Variants in KNL1 observed in about 807,000 individuals in gnomAD.
KNL1 encodes outer kinetochore KNL1 complex subunit KNL1.
A neutral mutation model predicts 201.3 loss-of-function variants in KNL1; 66 were observed. That is an observed-to-expected ratio of 0.33 (90% CI 0.27 to 0.40). The LOEUF (loss-of-function observed/expected upper bound fraction) is 0.40. Among genes scored for constraint, KNL1 ranks in the 10% least tolerant of loss-of-function variants. KNL1 has a pLI of 1.00. For synonymous variants in KNL1, 895 were observed against 899.2 expected (o/e 1.00, Z 0.08); for missense variants, 2,815 against 2,690.5 (o/e 1.05, Z -1.02).
chr15:40,608,854 A>T lies in KNL1; in HGVS notation c.143A>T (p.Asn48Ile), dbSNP rs775359976. ...TATATTCTCTGCCCTTAGGAATCCA[A>T]TGCTTTGAGAAATAAGAAAAACTCT... ...RGGNERVQES[N>I]ALRNKKNSRR... The change falls in exon 5 of 26, where the codon AAT (asparagine) becomes ATT (isoleucine). Residue 48 changes from asparagine to isoleucine, a missense_variant. Transcript: ENST00000399668. 1 of 1,608,604 alleles carries T rather than the reference A, an allele frequency of 6.2e-7. No homozygotes were observed. Among genetic ancestry groups the T allele is most frequent in the South Asian group, 1.1e-5 (1 of 90,942 alleles).
At chr15:40,606,276 G>C (rs996884989) in intron 3 of KNL1, 117 bp from the exon 4 acceptor site, 2 of 629,742 alleles carry the variant, frequency 3.2e-6, no homozygotes, top group African/African-American at 3.7e-5. Flanking sequence ...ATGAATTTGA[G>C]GAGTTTCAGA....
At chr15:40,632,156 A>C (rs894465666) in intron 13 of KNL1, among the ~76,000 whole-genome samples, 3 of 151,606 alleles carry the variant, frequency 2.0e-5, no homozygotes, top group African/African-American at 7.3e-5. Context: ...GAGGCTGAGG[A>C]GGGAAGATCA....
At chr15:40,606,086 CATT>C (rs1200178065) in intron 3 of KNL1, among the ~76,000 whole-genome samples, 6 of 152,186 alleles carry the variant, frequency 3.9e-5, no homozygotes, top group African/African-American at 1.4e-4. Flanking sequence ...AACAAATCAT[CATT>C]GACAAGAGAA....
chr15:40,600,219 G>T (rs192176290), intron 1 of KNL1, among the ~76,000 whole-genome samples: 5 of 152,004 alleles, frequency 3.3e-5, no homozygotes, highest in Non-Finnish European at 5.9e-5. Context: ...GGGATTACAG[G>T]CACCCACCAC....
chr15:40,620,669 G>A lies in KNL1; in HGVS notation c.405G>A (p.Arg135=), dbSNP rs1892487628. The A allele has an allele frequency of 6.3e-7, 1 of 1,590,258 alleles. No individual in the cohort carries two copies. Among genetic ancestry groups the A allele is most frequent in the Non-Finnish European group, 8.5e-7 (1 of 1,171,912 alleles). ...EFSIIEHTRE[R]KHANDQTVIF... ...CAATTATAGAACATACCCGTGAAAG[G>A]AAACATGCAAATGACCAGACAGTCA... Residue 135 remains arginine, a synonymous_variant, in exon 10 of 26, where the codon AGG becomes AGA. Transcript: ENST00000399668.
chr15:40,607,055 C>G lies in KNL1; in HGVS notation c.135+603C>G, dbSNP rs138311167. ...CATTACAGGCGTGAGCCACTGTACC[C>G]AGCCCTTAAAAAATTTTTGTTTTTA... is the stretch of plus-strand genomic sequence containing the variant. On this transcript the variant is annotated intron_variant, in intron 4 of 25. Coordinates refer to ENST00000399668, the MANE Select transcript of KNL1 (RefSeq NM_144508.5). 4.2e-3 allele frequency among the ~76,000 whole-genome samples: 636 copies of G among 152,346 alleles called. 22 individuals carry two copies. The highest frequency in any genetic ancestry group is 0.036 in the Admixed American group (549 of 15,306).
chr15:40,596,791 A>G (rs1004533932), intron 1 of KNL1, among the ~76,000 whole-genome samples: 2 of 151,742 alleles, frequency 1.3e-5, no homozygotes, highest in Non-Finnish European at 2.9e-5. Flanking sequence ...ACCTGAGATC[A>G]GGAGTTTGAG....
chr15:40,649,617 AAAAG>A (rs1893494254), intron 17 of KNL1, among the ~76,000 whole-genome samples: 2 of 149,922 alleles, frequency 1.3e-5, no homozygotes, highest in African/African-American at 4.9e-5. Context: ...TAAAAAAAAA[AAAAG>A]AGAGGCAGAG....
At chr15:40,646,764 G>A in intron 16 of KNL1, 1 of 287,228 alleles carries the variant, frequency 3.5e-6, no homozygotes, top group Non-Finnish European at 6.5e-6. Context: ...GGCTGAGGCA[G>A]GAGAATGGCA....
intron 13 of KNL1, among the ~76,000 whole-genome samples, chr15:40,630,519 G>A (rs945992796): frequency 4.6e-5 from 7 of 152,190 alleles, no homozygotes; most frequent in Admixed American, 1.3e-4. Context: ...GGTGGAGTGA[G>A]CAAAGCTTCA....
At chr15:40,659,069 C>T (rs1013840758) in intron 24 of KNL1, among the ~76,000 whole-genome samples, 47 of 151,972 alleles carry the variant, frequency 3.1e-4, no homozygotes, top group African/African-American at 1.0e-3. Flanking sequence ...GGCGGATCAC[C>T]TGAGGTCAGG....
intron 13 of KNL1, 100 bp downstream of exon 13, chr15:40,629,471 CTTTTTTTTTTTTTTTTGCCTTTTCTT>C (rs1412444555): frequency 9.9e-5 from 19 of 192,198 alleles, no homozygotes; most frequent in Non-Finnish European, 1.5e-4. Context: ...AGAGAGTTTT[CTTTTTTTTTTTTTTTTGCCTTTTCTT>C]TTTTTTTTTT....
intron 10 of KNL1, among the ~76,000 whole-genome samples, chr15:40,626,519 A>G: frequency 6.6e-6 from 1 of 151,922 alleles, no homozygotes. Flanking sequence ...TGTCTTAGGC[A>G]CTGTTTTATG....
In KNL1 at chr15:40,660,951, A is replaced by G. The variant is rs529566760; in HGVS notation, c.6837-1123A>G. 8.6e-4 allele frequency among the ~76,000 whole-genome samples: 131 copies of G among 152,324 alleles called. 1 individual carries two copies. The highest frequency in any genetic ancestry group is 1.5e-3 in the Non-Finnish European group (101 of 68,034). ...GGCCTCCAGCCTGGGTGACAGAACC[A>G]GGCTCTCTCAAAACAAAACAGAGTC... On this transcript the variant is annotated intron_variant, in intron 25 of 25. Coordinates refer to ENST00000399668, the MANE Select transcript of KNL1 (RefSeq NM_144508.5).
intron 7 of KNL1, among the ~76,000 whole-genome samples, chr15:40,613,694 C>A (rs556855853): frequency 4.6e-4 from 70 of 152,266 alleles, no homozygotes; most frequent in African/African-American, 1.6e-3. Flanking sequence ...GCAACCTCAG[C>A]CTCCTGGGTT....
At chr15:40,647,817 C>T (rs893816837) in intron 17 of KNL1, among the ~76,000 whole-genome samples, 4 of 152,158 alleles carry the variant, frequency 2.6e-5, no homozygotes, top group African/African-American at 9.7e-5. Context: ...GTTCATCTCC[C>T]TTAATCTCTG....
At chr15:40,610,822 C>T (rs1422143020) in intron 6 of KNL1, 1 of 455,338 alleles carries the variant, frequency 2.2e-6, no homozygotes, top group Non-Finnish European at 4.4e-6. Flanking sequence ...GGTGCCATCT[C>T]AGCTGCAACT....
intron 4 of KNL1, among the ~76,000 whole-genome samples, chr15:40,608,601 T>G (rs1056718451): frequency 6.6e-5 from 10 of 151,802 alleles, no homozygotes; most frequent in African/African-American, 2.4e-4. Context: ...CAGAATTAGT[T>G]GGTCGTGGTG....
intron 25 of KNL1, among the ~76,000 whole-genome samples, chr15:40,660,871 G>A (rs918693567): frequency 7.2e-5 from 11 of 152,220 alleles, no homozygotes; most frequent in Admixed American, 5.9e-4. Context: ...GCTGAGGTGG[G>A]AGGATTGCTT....
Sources: allele counts gnomAD v4.1 joint callset (sites outside exome capture counted in the v4.1 genomes callset), GRCh38; gene constraint gnomAD v4.1.1; transcripts MANE v1.5; gene names NCBI Gene and HGNC (gene_info 2026-07-23, HGNC 2026-07-21).